SLCO3A1: variants seen among roughly 807,000 people sequenced by gnomAD.
SLCO3A1 encodes the protein solute carrier organic anion transporter family member 3A1.
SLCO3A1 carries 27 observed loss-of-function variants against 63.1 expected under a neutral mutation model. That is an observed-to-expected ratio of 0.43 (90% CI 0.32 to 0.59). SLCO3A1 has a LOEUF of 0.59. SLCO3A1 is among the 20% of genes least tolerant of loss of function. SLCO3A1 has a pLI of 0.09. For synonymous variants in SLCO3A1, 473 were observed against 409.9 expected (o/e 1.15, Z -1.86); for missense variants, 773 against 945.8 (o/e 0.82, Z 2.40).
chr15:92,141,199 C>G (rs1036294104), intron 7 of SLCO3A1, among the ~76,000 whole-genome samples: 1 of 152,210 alleles, frequency 6.6e-6, no homozygotes, highest in African/African-American at 2.4e-5. Context: ...GCAGAGGCAG[C>G]AGGGACTGCA....
At chr15:92,111,188 C>T (rs2047724904) in intron 4 of SLCO3A1, among the ~76,000 whole-genome samples, 1 of 152,206 alleles carries the variant, frequency 6.6e-6, no homozygotes, top group African/African-American at 2.4e-5. Context: ...CATGACCCAG[C>T]TCATGCCTCT....
rs56403444 is a variant in SLCO3A1 at position 91,854,385 on chromosome 15, T to TC, written c.180+303dup. On this transcript the variant is annotated intron_variant, in intron 1 of 9. Coordinates refer to ENST00000318445, the MANE Select transcript of SLCO3A1 (RefSeq NM_013272.4). The surrounding 1 kb of genome is among the most constrained non-coding windows in gnomAD (Gnocchi z 6.4). ...GCAGGTGGGCGTGAAACTATTCCTC[T>TC]CCCCCCATAAGAGCGGAGCGAGACG... 0.22 allele frequency: 235,181 copies of TC among 1,054,310 alleles called. 27,935 individuals carry two copies. The highest frequency in any genetic ancestry group is 0.3 in the African/African-American group (17,855 of 58,904). 65.3% of individuals were successfully genotyped at this position (1,054,310 alleles called of 1,614,324 possible). A position where few individuals can be genotyped will look rare whatever the true frequency, so the allele number is the denominator to read the frequency against.
intron 2 of SLCO3A1, among the ~76,000 whole-genome samples, chr15:92,022,032 G>A (rs544697605): frequency 4.7e-4 from 72 of 152,310 alleles, no homozygotes; most frequent in African/African-American, 1.7e-3. Context: ...TCAGCCAGAA[G>A]GTGTAGTGAT....
intron 1 of SLCO3A1, among the ~76,000 whole-genome samples, chr15:91,866,697 A>G (rs903071253): frequency 3.3e-5 from 5 of 151,744 alleles, no homozygotes; most frequent in African/African-American, 1.2e-4. Flanking sequence ...CTTGGCCCTC[A>G]TGGAGTTGAT....
At chr15:92,125,195 G>C (rs892144110) in intron 5 of SLCO3A1, among the ~76,000 whole-genome samples, 3 of 152,152 alleles carry the variant, frequency 2.0e-5, no homozygotes, top group Non-Finnish European at 4.4e-5. Flanking sequence ...GAGGTCTGTT[G>C]ATTGGCAAGA....
intron 2 of SLCO3A1, among the ~76,000 whole-genome samples, chr15:91,931,627 C>T (rs115644756): frequency 0.013 from 1,966 of 152,104 alleles, 56 homozygotes; most frequent in African/African-American, 0.045. Context: ...CACACCACTG[C>T]GTCGGGCTAA....
chr15:92,087,493 G>A (rs1018286176), intron 2 of SLCO3A1, among the ~76,000 whole-genome samples: 1 of 150,992 alleles, frequency 6.6e-6, no homozygotes, highest in East Asian at 1.9e-4. Flanking sequence ...ACAAAATGTT[G>A]CCTAGTACTT....
Position 92,163,006 on chromosome 15 carries a change from C to A in SLCO3A1, c.2004C>A (p.Phe668Leu), listed in dbSNP as rs773832245. ...NHEGGLSTSE[F>L]FASTLTLDNL... ...AGGGCGGGCTGAGCACCAGTGAGTT[C>A]TTTGCCTCTACTCTGACCCTAGACA... Residue 668 changes from phenylalanine (F) to leucine (L), a missense_variant, in exon 10 of 10, where the codon TTC becomes TTA. By Grantham distance (22) the Phe-to-Leu change is conservative. Transcript: ENST00000318445. 4.3e-6 allele frequency: 7 copies of A among 1,612,582 alleles called. No homozygotes were observed. The Admixed American group carries it at 1.0e-4, about 23-fold the overall frequency.
At position 91,857,069 on chromosome 15, in the gene SLCO3A1, T is replaced by TGA. The variant is rs71156615; in HGVS notation, c.180+2996_180+2997dup. ...GTGTGTGTGTGTGTGTGTGTGTGTG[T>TGA]GAGAGAGAGAGAGAGAAAATGTGTG... On this transcript the variant is annotated intron_variant, in intron 1 of 9. Transcript: ENST00000318445. Among the ~76,000 whole-genome samples, 535 of 107,530 alleles carry TGA rather than the reference T, an allele frequency of 5.0e-3. 1 individual carries two copies. The highest frequency in any genetic ancestry group is 0.012 in the East Asian group (31 of 2,682). 70.5% of individuals were successfully genotyped at this position (107,530 alleles called of 152,430 possible). A position where few individuals can be genotyped will look rare whatever the true frequency, so the allele number is the denominator to read the frequency against.
At position 91,862,405 on chromosome 15, in the gene SLCO3A1, C is replaced by T. The variant is rs2141840128; in HGVS notation, c.180+8317C>T. Among the ~76,000 whole-genome samples, 1 of 152,254 alleles carries T rather than the reference C, an allele frequency of 6.6e-6. No individual in the cohort carries two copies. The highest frequency in any genetic ancestry group is 2.1e-4 in the South Asian group (1 of 4,824). On this transcript the variant is annotated intron_variant, in intron 1 of 9. Coordinates refer to ENST00000318445, the MANE Select transcript of SLCO3A1 (RefSeq NM_013272.4). The surrounding 1 kb of genome is among the most constrained non-coding windows in gnomAD (Gnocchi z 4.0). Reference sequence around the variant, plus strand: ...TCCTGACCTCAAGTGATCCACTCACCTCAGCCTTAGCATTGGTTTTGGTTA... The same window carrying T: ...TCCTGACCTCAAGTGATCCACTCACTTCAGCCTTAGCATTGGTTTTGGTTA...
intron 2 of SLCO3A1, among the ~76,000 whole-genome samples, chr15:91,965,721 GGTGTGTGTGTGTGTGT>G (rs35543509): frequency 4.7e-5 from 7 of 147,566 alleles, no homozygotes; most frequent in African/African-American, 1.8e-4. Flanking sequence ...CAGCCAGCAG[GGTGTGTGTGTGTGTGT>G]GTGTGTGTGT....
chr15:92,005,000 C>G (rs1197946943), intron 2 of SLCO3A1, among the ~76,000 whole-genome samples: 1 of 152,156 alleles, frequency 6.6e-6, no homozygotes, highest in Non-Finnish European at 1.5e-5. Flanking sequence ...TTATTGAACC[C>G]TAATAAATAT....
At chr15:91,899,438 C>G (rs934395690) in intron 1 of SLCO3A1, among the ~76,000 whole-genome samples, 2 of 152,120 alleles carry the variant, frequency 1.3e-5, no homozygotes, top group Admixed American at 6.5e-5. Flanking sequence ...TTTCTTTTAT[C>G]ATAACCTAAC....
chr15:92,096,853 G>A (rs2047544823), intron 3 of SLCO3A1, among the ~76,000 whole-genome samples: 1 of 152,162 alleles, frequency 6.6e-6, no homozygotes, highest in Admixed American at 6.5e-5. Flanking sequence ...CTGTTCCGAA[G>A]GTGATTGAGT....
intron 2 of SLCO3A1, among the ~76,000 whole-genome samples, chr15:92,032,857 A>G (rs1368793469): frequency 1.3e-5 from 2 of 148,900 alleles, no homozygotes; most frequent in Admixed American, 6.6e-5. Context: ...AGAAGAGATA[A>G]CAATTACTCT....
intron 4 of SLCO3A1, among the ~76,000 whole-genome samples, chr15:92,119,815 C>T (rs1385138939): frequency 6.6e-6 from 1 of 152,106 alleles, no homozygotes; most frequent in Admixed American, 6.5e-5. Flanking sequence ...TATATTGGAT[C>T]AAGAGTGAAA....
At chr15:92,117,493 T>A (rs2047809606) in intron 4 of SLCO3A1, among the ~76,000 whole-genome samples, 1 of 152,212 alleles carries the variant, frequency 6.6e-6, no homozygotes, top group Non-Finnish European at 1.5e-5. Context: ...TGGCAATGTT[T>A]CCAGAATTTA....
At chr15:92,089,900 G>A (rs1282806413) in intron 2 of SLCO3A1, among the ~76,000 whole-genome samples, 2 of 152,146 alleles carry the variant, frequency 1.3e-5, no homozygotes, top group South Asian at 2.1e-4. Flanking sequence ...AACTTACTTG[G>A]TTCACAGCGT....
At chr15:92,151,216 T>A (rs2048301272) in intron 9 of SLCO3A1, 1 of 534,944 alleles carries the variant, frequency 1.9e-6, no homozygotes, top group South Asian at 2.5e-5. Context: ...AGTTCTCATT[T>A]ATACCAACTC....
Sources: allele counts gnomAD v4.1 joint callset (sites outside exome capture counted in the v4.1 genomes callset), GRCh38; gene constraint gnomAD v4.1.1; non-coding constraint Gnocchi (gnomAD v3.1); transcripts MANE v1.5; gene names NCBI Gene and HGNC (gene_info 2026-07-23, HGNC 2026-07-21).